Variants in GPA33 observed in about 807,000 individuals in gnomAD.
The protein encoded by GPA33 is glycoprotein A33.
In GPA33, 27 loss-of-function variants were observed where a neutral mutation model predicts 35.6. The observed-to-expected ratio is 0.76, with a 90% CI of 0.56 to 1.04. The LOEUF (loss-of-function observed/expected upper bound fraction) is 1.04, where lower values mean the gene tolerates loss of function less well. Among genes scored for constraint, GPA33 ranks in the 50% least tolerant of loss-of-function variants. The pLI is 0.00. For synonymous variants in GPA33, 176 were observed against 164.0 expected (o/e 1.07, Z -0.56); for missense variants, 428 against 411.9 (o/e 1.04, Z -0.34).
chr1:167,087,018 A>C (rs924112201), intron 1 of GPA33, among the ~76,000 whole-genome samples: 2 of 152,148 alleles, frequency 1.3e-5, no homozygotes, highest in African/African-American at 4.8e-5. Flanking sequence ...GGCACATTGC[A>C]GCACATCAAA....
intron 6 of GPA33, 129 bp from the exon 7 acceptor site, chr1:167,054,595 A>G (rs974945753): frequency 2.6e-6 from 3 of 1,135,952 alleles, no homozygotes; most frequent in Non-Finnish European, 1.3e-6. Flanking sequence ...TGCAGAGGAC[A>G]CTGGGCTGAA....
chr1:167,055,458 G>C (rs556335828), intron 5 of GPA33, among the ~76,000 whole-genome samples: 1 of 152,300 alleles, frequency 6.6e-6, no homozygotes, highest in East Asian at 1.9e-4. Flanking sequence ...CGCCCACCGA[G>C]TGGTTCCTAG....
intron 4 of GPA33, among the ~76,000 whole-genome samples, chr1:167,060,932 A>G (rs572982981): frequency 1.3e-5 from 2 of 152,348 alleles, no homozygotes; most frequent in South Asian, 4.1e-4. Flanking sequence ...AAGCCTCCTC[A>G]TCCTTGAGGA....
Position 167,055,100 on chromosome 1 carries a change from C to A in GPA33, c.703G>T (p.Val235Leu). 6.2e-7 allele frequency: 1 copy of A among 1,612,674 alleles called. No homozygotes were observed. Among genetic ancestry groups the A allele is most frequent in the Non-Finnish European group, 8.5e-7 (1 of 1,179,862 alleles). The change falls in exon 6 of 7, where the codon GTG becomes TTG. Residue 235 changes from valine to leucine, a missense_variant. Physicochemically the swap from Val to Leu is conservative, Grantham distance 32. Transcript: ENST00000367868. ...TVAVRSPSMN[V>L]ALYVGIAVGV... The stretch of plus-strand genomic sequence containing the variant: ...ACCGCGATGCCCACATACAGGGCCA[C>A]GTTCATGGAGGCTGCAAGAGGACAG...
rs369125005 is a variant in GPA33, at chr1:167,063,728, G to C, written c.425C>G (p.Ser142Cys). 3 of 1,612,914 alleles carry C rather than the reference G, an allele frequency of 1.9e-6. No homozygotes were observed. The South Asian group carries it at 3.3e-5, about 18-fold the overall frequency. Residue 142 changes from serine (S) to cysteine (C), a missense_variant, in exon 4 of 7, where the codon TCC (serine) becomes TGC (cysteine). Coordinates refer to ENST00000367868, the MANE Select transcript of GPA33 (RefSeq NM_005814.3). ...RVRLLVLVPPSKPECGIEGET... is the reference protein window; with the variant it reads ...RVRLLVLVPPCKPECGIEGET... ...TCCCTCGATGCCGCATTCTGGTTTG[G>C]AGGGTGGCACTATATAGAGGAGAGA...
At chr1:167,063,817 C>T (rs1056479286) in intron 3 of GPA33, 80 bp from the exon 4 acceptor site, 67 of 1,043,736 alleles carry the variant, frequency 6.4e-5, no homozygotes, top group South Asian at 2.6e-4. Context: ...CCACCCACCC[C>T]CCACACACAT....
chr1:167,069,929 A>G (rs971873758), intron 2 of GPA33, among the ~76,000 whole-genome samples: 5 of 152,236 alleles, frequency 3.3e-5, no homozygotes, highest in African/African-American at 1.2e-4. Context: ...TGAAGATGAT[A>G]ATTCACGAAT....
rs766281753 is a variant in GPA33, at chr1:167,054,342, C to A, written c.952G>T (p.Asp318Tyr). 10 of 1,613,952 alleles carry A rather than the reference C, an allele frequency of 6.2e-6. No homozygotes were observed. The South Asian group carries it at 1.1e-4, about 18-fold the overall frequency. ...CCTCTGCTGCTGGCCTGTCACTGGT[C>A]GAGGTGGTCCGGGGATTCACGCCCA... is the stretch of plus-strand genomic sequence containing the variant. ...STGRESPDHL[D>Y]Q Residue 318 changes from aspartate (D) to tyrosine (Y), a missense_variant, in exon 7 of 7, where the codon GAC becomes TAC. Physicochemically the swap from Asp to Tyr is radical, Grantham distance 160. Transcript: ENST00000367868.
chr1:167,074,989 C>T (rs1208860849), intron 1 of GPA33, among the ~76,000 whole-genome samples: 2 of 148,676 alleles, frequency 1.3e-5, no homozygotes, highest in African/African-American at 5.0e-5. Flanking sequence ...ATTGCCTCCT[C>T]CCGCCAGGTT....
At position 167,054,223 on chromosome 1, in the gene GPA33, A is replaced by G; in HGVS notation, c.*111T>C. On this transcript the variant is annotated 3_prime_UTR_variant, in exon 7 of 7. Transcript: ENST00000367868. The stretch of plus-strand genomic sequence containing the variant: ...ACACTGGGGAAGAAATGTCCCCATC[A>G]ATGTCTGGGATGGAGGGACAGGAGA... 3.0e-6 allele frequency: 4 copies of G among 1,347,776 alleles called. No individual in the cohort carries two copies. Among genetic ancestry groups the G allele is most frequent in the Non-Finnish European group, 4.1e-6 (4 of 969,400 alleles). 83.5% of individuals were successfully genotyped at this position (1,347,776 alleles called of 1,614,324 possible).
At chr1:167,059,982 G>A (rs553236501) in intron 4 of GPA33, among the ~76,000 whole-genome samples, 15 of 152,326 alleles carry the variant, frequency 9.8e-5, no homozygotes, top group South Asian at 8.3e-4. Context: ...TCTCCAAATC[G>A]TCCATGGTGG....
chr1:167,077,192 C>A (rs1455544665), intron 1 of GPA33, among the ~76,000 whole-genome samples: 1 of 150,160 alleles, frequency 6.7e-6, no homozygotes, highest in Non-Finnish European at 1.5e-5. Context: ...GGCAACAGAG[C>A]AAGACTCCAT....
chr1:167,075,799 A>T (rs1666811399), intron 1 of GPA33, among the ~76,000 whole-genome samples: 1 of 152,190 alleles, frequency 6.6e-6, no homozygotes, highest in Non-Finnish European at 1.5e-5. Context: ...TGATGGAGGA[A>T]ATTAGGAGGA....
chr1:167,067,116 G>T (rs961827317), intron 3 of GPA33, among the ~76,000 whole-genome samples: 2 of 151,930 alleles, frequency 1.3e-5, no homozygotes, highest in Non-Finnish European at 2.9e-5. Flanking sequence ...AAAAAAATGG[G>T]CTCTTTCTTT....
At chr1:167,089,626 T>C (rs1312141843) in intron 1 of GPA33, among the ~76,000 whole-genome samples, 4 of 152,144 alleles carry the variant, frequency 2.6e-5, no homozygotes, top group Non-Finnish European at 5.9e-5. Flanking sequence ...CATATACTCA[T>C]GAATGTCTGA....
At chr1:167,068,059 T>A (rs1666637501) in intron 3 of GPA33, among the ~76,000 whole-genome samples, 1 of 151,978 alleles carries the variant, frequency 6.6e-6, no homozygotes, top group East Asian at 1.9e-4. Context: ...CCTTATGCAA[T>A]AAAAATATCT....
intron 1 of GPA33, among the ~76,000 whole-genome samples, chr1:167,086,468 T>C (rs1203644060): frequency 6.6e-6 from 1 of 152,216 alleles, no homozygotes; most frequent in East Asian, 1.9e-4. Context: ...AGCTTAGACA[T>C]GTGACACTGG....
chr1:167,062,152 T>G (rs960490933), intron 4 of GPA33, among the ~76,000 whole-genome samples: 1 of 152,028 alleles, frequency 6.6e-6, no homozygotes, highest in African/African-American at 2.4e-5. Flanking sequence ...GCCTTGTCTT[T>G]CTTTTTAAAA....
chr1:167,073,681 G>A (rs1165093487), intron 1 of GPA33, 142 bp from the exon 2 acceptor site: 8 of 691,284 alleles, frequency 1.2e-5, no homozygotes, highest in Middle Eastern at 4.0e-4. Context: ...GGCCACCTTG[G>A]CCCTGGCAAC....
Sources: gnomAD v4.1 joint callset for allele counts (sites outside exome capture counted in the v4.1 genomes callset) on GRCh38, gnomAD v4.1.1 for gene constraint, MANE v1.5 for transcripts, NCBI Gene and HGNC (gene_info 2026-07-23, HGNC 2026-07-21) for gene names.